NKAIN3: variants seen among roughly 807,000 people sequenced by gnomAD.
The protein encoded by NKAIN3 is sodium/potassium-transporting ATPase subunit beta-1-interacting protein 3.
NKAIN3 carries 25 observed loss-of-function variants against 30.2 expected under a neutral mutation model. The ratio of observed to expected loss-of-function variants is 0.83; its 90% CI spans 0.60 to 1.16. NKAIN3 has a LOEUF of 1.16. Ranked by LOEUF, NKAIN3 falls within the 50% of genes most tolerant of loss-of-function variation. The probability of loss-of-function intolerance (pLI) is 0.00; values close to 1 mark genes in which losing one functional copy is unlikely to be tolerated. For synonymous variants in NKAIN3, 91 were observed against 89.6 expected, an observed-to-expected ratio of 1.02 and a Z score of -0.09; for missense variants, 225 against 254.1, an observed-to-expected ratio of 0.89 and a Z score of 0.78.
intron 3 of NKAIN3, among the ~76,000 whole-genome samples, chr8:62,683,484 GC>G (rs1813708982): frequency 6.6e-6 from 1 of 152,128 alleles, no homozygotes; most frequent in South Asian, 2.1e-4. Flanking sequence ...CTCTTTATGT[GC>G]AAGGAGTAGC....
At chr8:62,883,496 A>G (rs1821058007) in intron 4 of NKAIN3, among the ~76,000 whole-genome samples, 1 of 97,440 alleles carries the variant, frequency 1.0e-5, no homozygotes. Context: ...ATAGAAGATC[A>G]TGTCATCTGT....
chr8:62,663,398 A>G (rs1047693120), intron 3 of NKAIN3, among the ~76,000 whole-genome samples: 1 of 152,200 alleles, frequency 6.6e-6, no homozygotes, highest in Non-Finnish European at 1.5e-5. Flanking sequence ...GTAGGTGTCG[A>G]AATGAAAATG....
chr8:62,903,965 G>A (rs1821693972), intron 4 of NKAIN3, among the ~76,000 whole-genome samples: 1 of 152,122 alleles, frequency 6.6e-6, no homozygotes, highest in Non-Finnish European at 1.5e-5. Context: ...TTTGACACAT[G>A]GGGATTATTA....
intron 3 of NKAIN3, among the ~76,000 whole-genome samples, chr8:62,723,947 T>C (rs1013448990): frequency 6.6e-6 from 1 of 152,158 alleles, no homozygotes; most frequent in African/African-American, 2.4e-5. Flanking sequence ...CTTCTTACTG[T>C]GTTTTCTCTG....
intron 4 of NKAIN3, among the ~76,000 whole-genome samples, chr8:62,864,645 C>T (rs540697385): frequency 3.5e-4 from 53 of 152,300 alleles, no homozygotes; most frequent in African/African-American, 1.2e-3. Context: ...AACCTGTGGC[C>T]TGCAGCTCTG....
At chr8:62,253,407 C>T (rs915787582) in intron 1 of NKAIN3, among the ~76,000 whole-genome samples, 2 of 152,036 alleles carry the variant, frequency 1.3e-5, no homozygotes, top group Non-Finnish European at 2.9e-5. Flanking sequence ...GAAACCTCAT[C>T]TCTACAAAAA....
intron 1 of NKAIN3, among the ~76,000 whole-genome samples, chr8:62,453,334 C>T (rs1287805416): frequency 6.6e-6 from 1 of 152,028 alleles, no homozygotes; most frequent in Non-Finnish European, 1.5e-5. Context: ...TTGAAACTAA[C>T]ATGAGAAAAA....
intron 4 of NKAIN3, among the ~76,000 whole-genome samples, chr8:62,784,102 G>A (rs962595294): frequency 3.3e-5 from 5 of 151,860 alleles, no homozygotes; most frequent in African/African-American, 7.3e-5. Flanking sequence ...AAAACATAAC[G>A]TATCAAAATG....
intron 1 of NKAIN3, among the ~76,000 whole-genome samples, chr8:62,298,146 G>A (rs1185149943): frequency 1.5e-5 from 2 of 134,076 alleles, no homozygotes; most frequent in African/African-American, 2.8e-5. Flanking sequence ...ACACAGGAAG[G>A]GGAACATCAC....
At chr8:62,729,482 G>A (rs939127876) in intron 3 of NKAIN3, among the ~76,000 whole-genome samples, 1 of 152,002 alleles carries the variant, frequency 6.6e-6, no homozygotes, top group African/African-American at 2.4e-5. Context: ...AAAACTAAAC[G>A]TACTCTTACC....
rs571264497 is a variant in NKAIN3 at position 62,692,398 on chromosome 8, T to C, written c.274-54534T>C. 8.5e-5 allele frequency among the ~76,000 whole-genome samples: 13 copies of C among 152,106 alleles called. No individual in the cohort carries two copies. In the East Asian group the frequency reaches 2.5e-3, roughly 29 times the overall value. On this transcript the variant is annotated intron_variant, in intron 3 of 6. Transcript: ENST00000623646. ...CAATTTGAGAAAAGCACAACACAGG[T>C]TCTATAAAGGGCAAAGAGAATTGCT... is the stretch of plus-strand genomic sequence containing the variant.
intron 5 of NKAIN3, among the ~76,000 whole-genome samples, chr8:62,920,342 A>AG (rs1454810327): frequency 6.6e-6 from 1 of 152,224 alleles, no homozygotes; most frequent in Admixed American, 6.5e-5. Context: ...AAAAGACACC[A>AG]GTGCTCAGTT....
intron 4 of NKAIN3, among the ~76,000 whole-genome samples, chr8:62,792,129 GTGGC>G (rs1174245900): frequency 6.6e-6 from 1 of 151,988 alleles, no homozygotes; most frequent in Non-Finnish European, 1.5e-5. Context: ...TGAAACTCTG[GTGGC>G]TTCAATGTGA....
intron 3 of NKAIN3, among the ~76,000 whole-genome samples, chr8:62,656,665 TAA>T (rs1812773114): frequency 6.6e-6 from 1 of 152,282 alleles, no homozygotes; most frequent in Middle Eastern, 3.4e-3. Context: ...CGAATTGCGA[TAA>T]GAGTGTTTGT....
intron 1 of NKAIN3, among the ~76,000 whole-genome samples, chr8:62,322,736 A>G (rs1358292082): frequency 2.6e-5 from 4 of 152,208 alleles, no homozygotes; most frequent in African/African-American, 4.8e-5. Flanking sequence ...AAATTGGATC[A>G]TGCTACAGAT....
At chr8:62,359,107 C>T (rs1388591369) in intron 1 of NKAIN3, among the ~76,000 whole-genome samples, 15 of 152,108 alleles carry the variant, frequency 9.9e-5, no homozygotes. Flanking sequence ...AGTGTGAACC[C>T]GGGAAGCGGA....
intron 4 of NKAIN3, among the ~76,000 whole-genome samples, chr8:62,793,195 A>AG (rs1204102592): frequency 6.6e-6 from 1 of 151,874 alleles, no homozygotes; most frequent in African/African-American, 2.4e-5. Context: ...GGTTTTACCA[A>AG]GGGAAAAAAA....
chr8:62,608,310 G>C (rs374709250), intron 3 of NKAIN3, among the ~76,000 whole-genome samples: 2 of 152,128 alleles, frequency 1.3e-5, no homozygotes, highest in South Asian at 4.1e-4. Context: ...ACCTGAAGAT[G>C]CTAAAAATTG....
intron 1 of NKAIN3, among the ~76,000 whole-genome samples, chr8:62,516,266 T>C (rs1277642008): frequency 6.6e-6 from 1 of 152,152 alleles, no homozygotes; most frequent in Non-Finnish European, 1.5e-5. Flanking sequence ...TGATTTTTCT[T>C]TAATTGGTAG....
Sources: gnomAD v4.1 joint callset for allele counts (sites outside exome capture counted in the v4.1 genomes callset) on GRCh38, gnomAD v4.1.1 for gene constraint, MANE v1.5 for transcripts, NCBI Gene and HGNC (gene_info 2026-07-23, HGNC 2026-07-21) for gene names.